ATP6V0A1: variants seen among roughly 807,000 people sequenced by gnomAD.
ATP6V0A1 encodes the protein ATPase H+ transporting V0 subunit a1.
In ATP6V0A1, 43 loss-of-function variants were observed where a neutral mutation model predicts 105.4. That is an observed-to-expected ratio of 0.41 (90% CI 0.32 to 0.53). ATP6V0A1 has a LOEUF of 0.53. Among genes scored for constraint, ATP6V0A1 ranks in the 20% least tolerant of loss-of-function variants. The pLI is 0.30. For synonymous variants in ATP6V0A1, 362 were observed against 372.8 expected (o/e 0.97, Z 0.33); for missense variants, 676 against 1,051.1 (o/e 0.64, Z 4.93).
At chr17:42,469,478 G>T (rs956521677) in intron 4 of ATP6V0A1, among the ~76,000 whole-genome samples, 1 of 151,350 alleles carries the variant, frequency 6.6e-6, no homozygotes, top group Non-Finnish European at 1.5e-5. Flanking sequence ...TTACAGGCAT[G>T]CACCACTGCA....
intron 21 of ATP6V0A1, 190 bp from the exon 22 acceptor site, chr17:42,520,833 TCCTC>T: frequency 1.7e-6 from 1 of 588,384 alleles, no homozygotes; most frequent in Non-Finnish European, 3.1e-6. Context: ...GCAAATCCCT[TCCTC>T]CGTGCGTCGA....
intron 2 of ATP6V0A1, among the ~76,000 whole-genome samples, chr17:42,463,148 G>T (rs1326902512): frequency 7.4e-6 from 1 of 135,082 alleles, no homozygotes; most frequent in African/African-American, 2.7e-5. Flanking sequence ...GACTACAGGC[G>T]CACACCGCCG....
rs1376817162 is a variant in ATP6V0A1, at chr17:42,521,475, A to G, written c.*355A>G. 1 of 170,876 alleles carries G rather than the reference A, an allele frequency of 5.9e-6. No homozygotes were observed. Among genetic ancestry groups the G allele is most frequent in the African/African-American group, 2.4e-5 (1 of 42,104 alleles). The allele number at this position is 170,876 out of a possible 1,614,324, so 10.6% of individuals were successfully genotyped here. Reference sequence around the variant, plus strand: ...TGCATTGTAGATGGAAGGAGCACCCATGCCATTCACATCTAGACTTTGAGT... The same window carrying G: ...TGCATTGTAGATGGAAGGAGCACCCGTGCCATTCACATCTAGACTTTGAGT... On this transcript the variant is annotated 3_prime_UTR_variant, in exon 22 of 22. Transcript: ENST00000343619. The surrounding 1 kb of genome is among the most constrained non-coding windows in gnomAD (Gnocchi z 4.8).
At chr17:42,485,151 G>A (rs2089977723) in intron 9 of ATP6V0A1, among the ~76,000 whole-genome samples, 1 of 151,872 alleles carries the variant, frequency 6.6e-6, no homozygotes, top group African/African-American at 2.4e-5. Flanking sequence ...TGCCCAGCCT[G>A]TAACTTCCAT....
At chr17:42,512,491 G>C (rs766791626) in intron 19 of ATP6V0A1, among the ~76,000 whole-genome samples, 3 of 152,176 alleles carry the variant, frequency 2.0e-5, no homozygotes, top group Non-Finnish European at 4.4e-5. Flanking sequence ...ACGGTGTTGG[G>C]ATTTAGGGAA....
chr17:42,509,587 A>G (rs919488590), intron 19 of ATP6V0A1, among the ~76,000 whole-genome samples: 1 of 152,182 alleles, frequency 6.6e-6, no homozygotes, highest in Admixed American at 6.5e-5. Context: ...CTGCTCATCT[A>G]TGCAGTCCCT....
At chr17:42,485,309 T>A (rs962873937) in intron 9 of ATP6V0A1, among the ~76,000 whole-genome samples, 2 of 152,224 alleles carry the variant, frequency 1.3e-5, no homozygotes, top group African/African-American at 4.8e-5. Flanking sequence ...TTCTGGGTTC[T>A]AAGGCTGTCT....
chr17:42,473,522 C>T (rs1355071007), intron 5 of ATP6V0A1, among the ~76,000 whole-genome samples: 2 of 152,222 alleles, frequency 1.3e-5, no homozygotes, highest in African/African-American at 4.8e-5. Flanking sequence ...AGCTGCTACC[C>T]ACAGATCTGA....
At chr17:42,488,486 G>A (rs2090321805) in intron 10 of ATP6V0A1, among the ~76,000 whole-genome samples, 1 of 152,092 alleles carries the variant, frequency 6.6e-6, no homozygotes, top group Non-Finnish European at 1.5e-5. Context: ...TTAATTTTGT[G>A]TTTGAGACAA....
At chr17:42,477,540 T>G in intron 5 of ATP6V0A1, 120 bp from the exon 6 acceptor site, 1 of 994,600 alleles carries the variant, frequency 1.0e-6, no homozygotes, top group Non-Finnish European at 1.5e-6. Context: ...GTGGTTTGTT[T>G]TCTTTTTCAT....
At chr17:42,466,711 A>G (rs1033361453) in intron 3 of ATP6V0A1, among the ~76,000 whole-genome samples, 3 of 152,250 alleles carry the variant, frequency 2.0e-5, no homozygotes, top group African/African-American at 7.2e-5. Flanking sequence ...ACCTCGTTTG[A>G]AATAACATGC....
chr17:42,514,117 C>T (rs1567871958), intron 20 of ATP6V0A1, 139 bp downstream of exon 20: 3 of 1,256,856 alleles, frequency 2.4e-6, no homozygotes, highest in Non-Finnish European at 3.4e-6. Context: ...AGAATGAGTA[C>T]AGACAGGAGG....
intron 10 of ATP6V0A1, 121 bp downstream of exon 10, chr17:42,487,488 G>A (rs2090212193): frequency 1.1e-6 from 1 of 932,986 alleles, no homozygotes; most frequent in Non-Finnish European, 1.6e-6. Context: ...AGAACTTTGG[G>A]AGGCCGAGGC....
Position 42,478,556 on chromosome 17 carries a change from T to C in ATP6V0A1, c.600T>C (p.Ala200=). 6.2e-7 allele frequency: 1 copy of C among 1,603,206 alleles called. No homozygotes were observed. The highest frequency in any genetic ancestry group is 8.5e-7 in the Non-Finnish European group (1 of 1,173,424). The stretch of plus-strand genomic sequence containing the variant: ...GGGGAAATGTGTTCCTGCGACAGGC[T>C]GAAATCGAGAACCCCCTGGAGGATC... ...VCRGNVFLRQ[A]EIENPLEDPV... Residue 200 remains alanine, a synonymous_variant, in exon 7 of 22, where the codon GCT becomes GCC. Coordinates refer to ENST00000343619, the MANE Select transcript of ATP6V0A1 (RefSeq NM_001130021.3).
intron 17 of ATP6V0A1, among the ~76,000 whole-genome samples, chr17:42,507,151 C>T (rs2092079320): frequency 1.3e-5 from 2 of 152,208 alleles, no homozygotes; most frequent in Non-Finnish European, 2.9e-5. Context: ...AGCTTAGGCC[C>T]TTGCAGCCTT....
rs375064903 is a variant in ATP6V0A1 at position 42,504,899 on chromosome 17, G to T, written c.2005-2621G>T. ...GATATCTGCCTGTCTTCTATTGATA[G>T]GTGTGTGTGTGCTCTATGCATCTAG... On this transcript the variant is annotated intron_variant, in intron 17 of 21. Transcript: ENST00000343619. Among the ~76,000 whole-genome samples, 5 of 152,272 alleles carry T rather than the reference G, an allele frequency of 3.3e-5. No homozygotes were observed. In the East Asian group the frequency reaches 7.7e-4, roughly 24 times the overall value.
At chr17:42,520,969 C>T in intron 21 of ATP6V0A1, 58 bp from the exon 22 acceptor site, 2 of 1,454,948 alleles carry the variant, frequency 1.4e-6, no homozygotes, top group Admixed American at 2.0e-5. Context: ...ACTGTGAAGT[C>T]CTAAAAAGCT....
chr17:42,521,526 T>A lies in ATP6V0A1; in HGVS notation c.*406T>A, dbSNP rs2092831874. On this transcript the variant is annotated 3_prime_UTR_variant, in exon 22 of 22. Transcript: ENST00000343619. The surrounding 1 kb of genome is among the most constrained non-coding windows in gnomAD (Gnocchi z 4.8). ...TCCCTGCATCTGCCACCGTAGTTTC[T>A]AGCAGGAGTAGTGGGGGGAGTAATA... 1 of 155,150 alleles carries A rather than the reference T, an allele frequency of 6.4e-6. No homozygotes were observed. The highest frequency in any genetic ancestry group is 1.4e-5 in the Non-Finnish European group (1 of 69,988). The allele number at this position is 155,150 out of a possible 1,614,324, so 9.6% of individuals were successfully genotyped here. A position where few individuals can be genotyped will look rare whatever the true frequency, so the allele number is the denominator to read the frequency against.
intron 2 of ATP6V0A1, 55 bp downstream of exon 2, chr17:42,461,066 G>A (rs1391348650): frequency 1.4e-6 from 2 of 1,404,644 alleles, no homozygotes; most frequent in African/African-American, 2.8e-5. Context: ...TGCTATCGTG[G>A]TCAGATGCCT....
Sources: gnomAD v4.1 joint callset for allele counts (sites outside exome capture counted in the v4.1 genomes callset) on GRCh38, gnomAD v4.1.1 for gene constraint, Gnocchi (gnomAD v3.1) non-coding constraint, MANE v1.5 for transcripts, NCBI Gene and HGNC (gene_info 2026-07-23, HGNC 2026-07-21) for gene names.